Variants in DGKB observed in about 807,000 individuals in gnomAD.
DGKB encodes the protein diacylglycerol kinase beta.
A neutral mutation model predicts 114.3 loss-of-function variants in DGKB; 67 were observed. The ratio of observed to expected loss-of-function variants is 0.59; its 90% CI spans 0.48 to 0.72. The LOEUF (loss-of-function observed/expected upper bound fraction) is 0.72, where lower values mean the gene tolerates loss of function less well. Ranked by LOEUF, DGKB falls within the 30% of genes least tolerant of loss-of-function variation. The pLI is 0.00. For synonymous variants in DGKB, 398 were observed against 323.1 expected, an observed-to-expected ratio of 1.23 and a Z score of -2.49; for missense variants, 907 against 975.2, an observed-to-expected ratio of 0.93 and a Z score of 0.93.
At chr7:14,321,311 T>G (rs940771654) in intron 23 of DGKB, among the ~76,000 whole-genome samples, 2 of 152,088 alleles carry the variant, frequency 1.3e-5, no homozygotes, top group African/African-American at 4.8e-5. Flanking sequence ...TTAAGCAATG[T>G]AATTCTCCAC....
chr7:14,271,315 G>A (rs1251061895), intron 23 of DGKB, among the ~76,000 whole-genome samples: 1 of 152,132 alleles, frequency 6.6e-6, no homozygotes, highest in Non-Finnish European at 1.5e-5. Flanking sequence ...TCATGTACGT[G>A]TCTTTGAACA....
chr7:14,647,865 G>T (rs1813416594), intron 13 of DGKB, among the ~76,000 whole-genome samples: 1 of 152,210 alleles, frequency 6.6e-6, no homozygotes, highest in Non-Finnish European at 1.5e-5. Context: ...CCCTTTCTGA[G>T]TCAAAGAAAG....
chr7:14,414,124 A>C (rs1039220890), intron 21 of DGKB, among the ~76,000 whole-genome samples: 1 of 152,190 alleles, frequency 6.6e-6, no homozygotes, highest in Non-Finnish European at 1.5e-5. Context: ...TTCAAAATAT[A>C]TCAATAAAAA....
intron 17 of DGKB, among the ~76,000 whole-genome samples, chr7:14,606,280 T>C (rs1804493846): frequency 6.6e-6 from 1 of 152,022 alleles, no homozygotes; most frequent in Admixed American, 6.6e-5. Context: ...AGATTCTGGA[T>C]TGTGAAGCTT....
At position 14,682,834 on chromosome 7, in the gene DGKB, C is replaced by T; in HGVS notation, c.837G>A (p.Lys279=). The part of the protein sequence containing the change: ...GKQGLCCSFC[K]YTVHERCVAR... ...CCACACAGCGCTCATGGACTGTGTA[C>T]TTGCAGACTGAAAGGAAACAGGTAC... Residue 279 remains lysine (K), a synonymous_variant, in exon 11 of 26, where the codon AAG becomes AAA. Coordinates refer to ENST00000402815, the MANE Select transcript of DGKB (RefSeq NM_001350709.2). 6.3e-7 allele frequency: 1 copy of T among 1,586,614 alleles called. No homozygotes were observed. The highest frequency in any genetic ancestry group is 1.1e-5 in the South Asian group (1 of 87,954).
intron 1 of DGKB, among the ~76,000 whole-genome samples, chr7:14,963,070 A>AG (rs1177188877): frequency 6.6e-6 from 1 of 152,052 alleles, no homozygotes; most frequent in Non-Finnish European, 1.5e-5. Flanking sequence ...AGAAACATTG[A>AG]CCAGACAGTT....
intron 13 of DGKB, among the ~76,000 whole-genome samples, chr7:14,671,780 A>G (rs1049912746): frequency 6.6e-6 from 1 of 152,178 alleles, no homozygotes; most frequent in African/African-American, 2.4e-5. Context: ...TTTCAAAATA[A>G]GAATATAAAT....
chr7:14,389,578 GC>G (rs759595662), intron 21 of DGKB, among the ~76,000 whole-genome samples: 3 of 152,170 alleles, frequency 2.0e-5, no homozygotes, highest in Non-Finnish European at 2.9e-5. Context: ...GGGAACCTGT[GC>G]CGTTGAAGAT....
chr7:14,369,729 T>C (rs1040942041), intron 21 of DGKB, among the ~76,000 whole-genome samples: 3 of 152,266 alleles, frequency 2.0e-5, no homozygotes, highest in South Asian at 2.1e-4. Flanking sequence ...TTTTGAGAAG[T>C]GTCTGTTCAT....
intron 2 of DGKB, among the ~76,000 whole-genome samples, chr7:14,784,182 T>C (rs572419478): frequency 1.3e-5 from 2 of 152,088 alleles, no homozygotes; most frequent in African/African-American, 4.8e-5. Flanking sequence ...TGATGTATCC[T>C]TTTCAGCTGA....
At chr7:14,416,003 G>C (rs865876899) in intron 21 of DGKB, among the ~76,000 whole-genome samples, 23 of 152,186 alleles carry the variant, frequency 1.5e-4, no homozygotes, top group Middle Eastern at 3.4e-3. Flanking sequence ...GTTTTGATTT[G>C]CATTTCTCTG....
At chr7:14,449,853 C>G (rs1161025616) in intron 21 of DGKB, among the ~76,000 whole-genome samples, 3 of 151,862 alleles carry the variant, frequency 2.0e-5, no homozygotes, top group Non-Finnish European at 4.4e-5. Context: ...TTCAGCCAAC[C>G]CAGTTAGGTA....
At chr7:14,762,791 C>A (rs886584087) in intron 2 of DGKB, among the ~76,000 whole-genome samples, 7 of 152,098 alleles carry the variant, frequency 4.6e-5, no homozygotes, top group Admixed American at 3.3e-4. Flanking sequence ...GAATGCTTGG[C>A]TGAATGTCCC....
intron 2 of DGKB, among the ~76,000 whole-genome samples, chr7:14,827,181 C>T (rs986184958): frequency 6.6e-6 from 1 of 152,114 alleles, no homozygotes; most frequent in African/African-American, 2.4e-5. Context: ...TTTTTGATTA[C>T]CTTCTCATAT....
chr7:14,220,515 G>T (rs948169052), intron 23 of DGKB, among the ~76,000 whole-genome samples: 4 of 151,298 alleles, frequency 2.6e-5, no homozygotes, highest in African/African-American at 9.7e-5. Context: ...ACACTGTCTT[G>T]ATTACTCATG....
chr7:14,828,262 G>A (rs905987213), intron 2 of DGKB, among the ~76,000 whole-genome samples: 4 of 151,992 alleles, frequency 2.6e-5, no homozygotes, highest in African/African-American at 9.7e-5. Flanking sequence ...AGCTCTGCCC[G>A]ACAACATAAA....
intron 23 of DGKB, among the ~76,000 whole-genome samples, chr7:14,252,591 G>A (rs114060343): frequency 0.017 from 2,520 of 152,242 alleles, 41 homozygotes; most frequent in South Asian, 0.043. Flanking sequence ...GCTGGCACCT[G>A]GGCCCACAGG....
At chr7:14,640,998 C>T in intron 13 of DGKB, among the ~76,000 whole-genome samples, 1 of 152,002 alleles carries the variant, frequency 6.6e-6, no homozygotes, top group Admixed American at 6.6e-5. Context: ...TATGCCTTGC[C>T]CCAACCCCAA....
intron 21 of DGKB, among the ~76,000 whole-genome samples, chr7:14,430,127 C>T (rs1367625539): frequency 1.3e-5 from 2 of 151,936 alleles, no homozygotes; most frequent in African/African-American, 2.4e-5. Context: ...CTCTGTGGCC[C>T]GTTTTGGGTC....
Sources: allele counts gnomAD v4.1 joint callset (sites outside exome capture counted in the v4.1 genomes callset), GRCh38; gene constraint gnomAD v4.1.1; transcripts MANE v1.5; gene names NCBI Gene and HGNC (gene_info 2026-07-23, HGNC 2026-07-21).